The following LSM3 variants were observed in gnomAD, a reference collection of about 807,000 sequenced individuals.
LSM3 encodes U6 snRNA-associated Sm-like protein LSm3.
A neutral mutation model predicts 15.4 loss-of-function variants in LSM3; 14 were observed. The observed-to-expected ratio is 0.91, with a 90% confidence interval of 0.60 to 1.42. The LOEUF is 1.42. Ranked by LOEUF, LSM3 falls within the 40% of genes most tolerant of loss-of-function variation. The probability of loss-of-function intolerance (pLI) is 0.00; values close to 1 mark genes in which losing one functional copy is unlikely to be tolerated. For missense variants in LSM3, 88 were observed against 127.9 expected (o/e 0.69, Z 1.50); for synonymous variants, 46 against 45.1 (o/e 1.02, Z -0.08).
chr3:14,180,053 A>G (rs945566509), intron 1 of LSM3, among the ~76,000 whole-genome samples: 3 of 152,088 alleles, frequency 2.0e-5, no homozygotes, highest in African/African-American at 7.2e-5. Context: ...TTTTTCTCTC[A>G]TCAGGCCTTT....
chr3:14,188,882 G>A (rs948153065), intron 3 of LSM3, among the ~76,000 whole-genome samples: 5 of 151,646 alleles, frequency 3.3e-5, no homozygotes, highest in Non-Finnish European at 5.9e-5. Flanking sequence ...AGGTATACAC[G>A]TGCCCTGGTG....
chr3:14,192,865 A>G (rs562346001), intron 3 of LSM3, among the ~76,000 whole-genome samples: 1 of 152,320 alleles, frequency 6.6e-6, no homozygotes, highest in East Asian at 1.9e-4. Flanking sequence ...CAGTTTCTTC[A>G]TAGTGTCAAT....
chr3:14,179,234 G>A (rs141104147), intron 1 of LSM3, among the ~76,000 whole-genome samples: 67 of 152,314 alleles, frequency 4.4e-4, no homozygotes, highest in African/African-American at 1.3e-3. Context: ...TCAGCAGATA[G>A]AGTGAACATC....
At chr3:14,196,071 G>C (rs1697184600) in intron 3 of LSM3, among the ~76,000 whole-genome samples, 1 of 151,502 alleles carries the variant, frequency 6.6e-6, no homozygotes, top group Admixed American at 6.6e-5. Context: ...TCCTGCCTCA[G>C]CCTCCCAAGT....
chr3:14,195,406 C>A (rs1017174532), intron 3 of LSM3, among the ~76,000 whole-genome samples: 9 of 152,214 alleles, frequency 5.9e-5, no homozygotes, highest in South Asian at 4.1e-4. Context: ...TGCTCCCCCC[C>A]ACCCACACTG....
At position 14,178,886 on chromosome 3, in the gene LSM3, G is replaced by A. The variant is rs773527759; in HGVS notation, c.21+5G>A. 3 of 1,614,140 alleles carry A rather than the reference G, an allele frequency of 1.9e-6. No individual in the cohort carries two copies. Among genetic ancestry groups the A allele is most frequent in the Non-Finnish European group, 1.7e-6 (2 of 1,179,984 alleles). On this transcript the variant is annotated splice_donor_5th_base_variant and intron_variant, in intron 1 of 3. Transcript: ENST00000306024. ...ATGGCGGACGACGTAGACCAGGTAA[G>A]TGTATTTTAAGGAGGTCGCTCGAAG... is the stretch of plus-strand genomic sequence containing the variant.
intron 3 of LSM3, among the ~76,000 whole-genome samples, chr3:14,192,904 G>A (rs1173962289): frequency 6.6e-6 from 1 of 152,218 alleles, no homozygotes; most frequent in East Asian, 1.9e-4. Flanking sequence ...TGTTTTTGCA[G>A]TGGCTGGTAT....
At chr3:14,188,308 A>G (rs1290263302) in intron 3 of LSM3, among the ~76,000 whole-genome samples, 1 of 152,184 alleles carries the variant, frequency 6.6e-6, no homozygotes, top group Admixed American at 6.5e-5. Flanking sequence ...GCTCCCTCAT[A>G]CATAACTAAC....
At chr3:14,193,278 T>C (rs1697157871) in intron 3 of LSM3, among the ~76,000 whole-genome samples, 1 of 152,130 alleles carries the variant, frequency 6.6e-6, no homozygotes, top group African/African-American at 2.4e-5. Flanking sequence ...TCTTGAGGAG[T>C]ATCTTTGTGG....
chr3:14,180,820 C>CTTTTTTTTTTTTTTTTTTTTTTTTTT lies in LSM3; in HGVS notation c.22-740_22-739insTTTTTTTTTTTTTTTTTTTTTTTTTT, dbSNP rs1436714313. ...TGACTCCAAAGCCAGTGCTTGCTTG[C>CTTTTTTTTTTTTTTTTTTTTTTTTTT]CTTTTTTTTTTTTTTTTTTTTTTTT... On this transcript the variant is annotated intron_variant, in intron 1 of 3. Transcript: ENST00000306024. Among the ~76,000 whole-genome samples the CTTTTTTTTTTTTTTTTTTTTTTTTTT allele has an allele frequency of 3.9e-5, 2 of 51,398 alleles. 1 individual carries two copies. Among genetic ancestry groups the CTTTTTTTTTTTTTTTTTTTTTTTTTT allele is most frequent in the African/African-American group, 1.5e-4 (2 of 13,078 alleles). The allele number at this position is 51,398 out of a possible 152,430, so 33.7% of individuals were successfully genotyped here.
chr3:14,190,054 A>G (rs1697124914), intron 3 of LSM3, among the ~76,000 whole-genome samples: 1 of 152,208 alleles, frequency 6.6e-6, no homozygotes, highest in Non-Finnish European at 1.5e-5. Context: ...TTAAATAGGG[A>G]ATCTTTTCCC....
Position 14,178,835 on chromosome 3 carries a change from G to A in LSM3, c.-26G>A. Reference sequence around the variant, plus strand: ...CGTTGCTCTTGTGTTCTCGCGAGAGGCGGGAAAGGGCGCAGGGTTTGAAAC... The same window carrying A: ...CGTTGCTCTTGTGTTCTCGCGAGAGACGGGAAAGGGCGCAGGGTTTGAAAC... On this transcript the variant is annotated 5_prime_UTR_variant, in exon 1 of 4. Coordinates refer to ENST00000306024, the MANE Select transcript of LSM3 (RefSeq NM_014463.3). 1 of 1,614,210 alleles carries A rather than the reference G, an allele frequency of 6.2e-7. No individual in the cohort carries two copies. Among genetic ancestry groups the A allele is most frequent in the Admixed American group, 1.7e-5 (1 of 60,032 alleles).
intron 3 of LSM3, among the ~76,000 whole-genome samples, chr3:14,195,234 G>T (rs973112279): frequency 1.3e-5 from 2 of 152,142 alleles, no homozygotes; most frequent in African/African-American, 4.8e-5. Context: ...AGAAGTTTAT[G>T]AATCAGCCTG....
chr3:14,188,704 G>A (rs1697113005), intron 3 of LSM3, among the ~76,000 whole-genome samples: 2 of 151,870 alleles, frequency 1.3e-5, no homozygotes, highest in Non-Finnish European at 2.9e-5. Flanking sequence ...GTACTTCACT[G>A]TGTAGATGTA....
intron 3 of LSM3, among the ~76,000 whole-genome samples, chr3:14,196,189 C>T (rs1181108096): frequency 6.6e-6 from 1 of 152,062 alleles, no homozygotes; most frequent in Non-Finnish European, 1.5e-5. Flanking sequence ...GATCTCCTGA[C>T]CTCATGATCC....
chr3:14,181,791 C>T, intron 2 of LSM3, 121 bp downstream of exon 2: 1 of 685,352 alleles, frequency 1.5e-6, no homozygotes, highest in South Asian at 1.8e-5. Flanking sequence ...TGGAAAGTCA[C>T]CCATATCACA....
chr3:14,183,055 T>C (rs1574987460), intron 2 of LSM3, among the ~76,000 whole-genome samples: 2 of 152,270 alleles, frequency 1.3e-5, no homozygotes, highest in East Asian at 3.8e-4. Flanking sequence ...TTTAATTACT[T>C]AAGTTTGTGG....
At position 14,200,008 on chromosome 3, in the gene LSM3, C is replaced by T. The variant is rs746164668; in HGVS notation, c.*1892C>T. On this transcript the variant is annotated 3_prime_UTR_variant, in exon 4 of 4. Transcript: ENST00000306024. ...TTTTTAGTGGTTTCTGATAGTCACACTGAATTCCTGGACACTTTCTTCTCT... is the reference window on the plus strand; with the variant it reads ...TTTTTAGTGGTTTCTGATAGTCACATTGAATTCCTGGACACTTTCTTCTCT... 1 of 152,248 alleles carries T rather than the reference C, an allele frequency of 6.6e-6. No homozygotes were observed. Among genetic ancestry groups the T allele is most frequent in the Non-Finnish European group, 1.5e-5 (1 of 68,050 alleles). 9.4% of individuals were successfully genotyped at this position (152,248 alleles called of 1,614,324 possible).
chr3:14,196,853 T>G (rs557148913), intron 3 of LSM3, among the ~76,000 whole-genome samples: 1 of 152,226 alleles, frequency 6.6e-6, no homozygotes, highest in Non-Finnish European at 1.5e-5. Context: ...CTTTAAAAAC[T>G]TAGAACATAG....
Sources: allele counts gnomAD v4.1 joint callset (sites outside exome capture counted in the v4.1 genomes callset), GRCh38; gene constraint gnomAD v4.1.1; transcripts MANE v1.5; gene names NCBI Gene and HGNC (gene_info 2026-07-23, HGNC 2026-07-21).